SHROOM3: variants seen among roughly 807,000 people sequenced by gnomAD.
The protein encoded by SHROOM3 is protein Shroom3.
SHROOM3 carries 47 observed loss-of-function variants against 138.6 expected under a neutral mutation model. The ratio of observed to expected loss-of-function variants is 0.34; its 90% CI spans 0.27 to 0.43. The LOEUF is 0.43. Ranked by LOEUF, SHROOM3 falls within the 20% of genes least tolerant of loss-of-function variation. The pLI is 1.00. For missense variants in SHROOM3, 2,491 were observed against 2,596.5 expected (o/e 0.96, Z 0.88); for synonymous variants, 1,062 against 1,063.3 (o/e 1.00, Z 0.02).
intron 1 of SHROOM3, among the ~76,000 whole-genome samples, chr4:76,491,974 T>C (rs568254574): frequency 6.6e-6 from 1 of 152,312 alleles, no homozygotes; most frequent in South Asian, 2.1e-4. Context: ...GAATGCACTT[T>C]GGATACCATT....
At chr4:76,533,311 G>T (rs1432871373) in intron 1 of SHROOM3, among the ~76,000 whole-genome samples, 2 of 152,134 alleles carry the variant, frequency 1.3e-5, no homozygotes, top group Admixed American at 1.3e-4. Flanking sequence ...CTACTCTGGG[G>T]ACACATATAT....
chr4:76,636,880 T>G (rs1177631084), intron 2 of SHROOM3, among the ~76,000 whole-genome samples: 1 of 152,268 alleles, frequency 6.6e-6, no homozygotes, highest in African/African-American at 2.4e-5. Context: ...ATCTTACTTG[T>G]TTTTATTAAT....
intron 2 of SHROOM3, among the ~76,000 whole-genome samples, chr4:76,591,650 G>C: frequency 6.6e-6 from 1 of 151,916 alleles, no homozygotes; most frequent in East Asian, 1.9e-4. Context: ...CTCTATTTAC[G>C]TGTTATTTAG....
chr4:76,776,592 A>G (rs1722578729), intron 10 of SHROOM3, among the ~76,000 whole-genome samples: 1 of 152,230 alleles, frequency 6.6e-6, no homozygotes, highest in Non-Finnish European at 1.5e-5. Flanking sequence ...AAGACTAATT[A>G]CAAAAACCGT....
At chr4:76,564,628 TC>T (rs1326757824) in intron 2 of SHROOM3, among the ~76,000 whole-genome samples, 1 of 152,144 alleles carries the variant, frequency 6.6e-6, no homozygotes, top group Non-Finnish European at 1.5e-5. Flanking sequence ...GACATCTTTT[TC>T]CCCCGTAGCA....
At chr4:76,728,132 C>T (rs1444310012) in intron 3 of SHROOM3, among the ~76,000 whole-genome samples, 4 of 151,932 alleles carry the variant, frequency 2.6e-5, no homozygotes, top group Non-Finnish European at 4.4e-5. Flanking sequence ...GCCAAGATTG[C>T]GCCACTGCAC....
intron 1 of SHROOM3, among the ~76,000 whole-genome samples, chr4:76,554,363 T>G (rs780962500): frequency 1.3e-5 from 2 of 152,062 alleles, no homozygotes; most frequent in Non-Finnish European, 2.9e-5. Context: ...ATTATAATTT[T>G]AGAACAAAAA....
intron 1 of SHROOM3, among the ~76,000 whole-genome samples, chr4:76,526,676 A>G (rs970986002): frequency 5.3e-5 from 8 of 152,218 alleles, no homozygotes; most frequent in African/African-American, 1.7e-4. Context: ...TTTAACTGCC[A>G]CATTGTCAAG....
chr4:76,448,775 A>G (rs1293410687), intron 1 of SHROOM3, among the ~76,000 whole-genome samples: 2 of 152,162 alleles, frequency 1.3e-5, no homozygotes, highest in Non-Finnish European at 2.9e-5. Flanking sequence ...GATGACCACC[A>G]TTTAGAGAAT....
At chr4:76,762,592 T>C (rs991174788) in intron 9 of SHROOM3, among the ~76,000 whole-genome samples, 3 of 152,228 alleles carry the variant, frequency 2.0e-5, no homozygotes, top group African/African-American at 7.2e-5. Flanking sequence ...CTTCGGTTCC[T>C]TCTTCCCTCA....
chr4:76,771,175 G>T (rs186336868), intron 10 of SHROOM3, among the ~76,000 whole-genome samples: 1 of 152,198 alleles, frequency 6.6e-6, no homozygotes, highest in African/African-American at 2.4e-5. Context: ...GACCAGCCTG[G>T]CCAACATGGT....
At chr4:76,554,507 G>A (rs2110028970) in intron 1 of SHROOM3, among the ~76,000 whole-genome samples, 1 of 150,714 alleles carries the variant, frequency 6.6e-6, no homozygotes, top group East Asian at 2.0e-4. Context: ...GCAAGCGTCG[G>A]CTCTTGGGTT....
intron 10 of SHROOM3, among the ~76,000 whole-genome samples, chr4:76,772,442 C>A (rs1722395057): frequency 1.3e-5 from 2 of 152,148 alleles, no homozygotes; most frequent in Admixed American, 1.3e-4. Flanking sequence ...CTCATGAATT[C>A]TCCAATAATT....
At chr4:76,439,606 T>C (rs1180687918) in intron 1 of SHROOM3, among the ~76,000 whole-genome samples, 2 of 152,128 alleles carry the variant, frequency 1.3e-5, no homozygotes, top group East Asian at 3.9e-4. Context: ...CATTAGCTCA[T>C]ACACTGCTAA....
intron 4 of SHROOM3, among the ~76,000 whole-genome samples, chr4:76,731,787 AAAACAAAC>A (rs1293664274): frequency 1.4e-5 from 2 of 147,072 alleles, no homozygotes; most frequent in South Asian, 4.3e-4. Context: ...TCTCAAAAAA[AAAACAAAC>A]AAACAAACAA....
chr4:76,734,695 A>AC lies in SHROOM3; in HGVS notation c.587+3760_587+3761insC, dbSNP rs1578003746. Among the ~76,000 whole-genome samples, 6 of 152,264 alleles carry AC rather than the reference A, an allele frequency of 3.9e-5. No individual in the cohort carries two copies. The East Asian group carries it at 7.7e-4, about 20-fold the overall frequency. On this transcript the variant is annotated intron_variant, in intron 4 of 10. Transcript: ENST00000296043. The stretch of plus-strand genomic sequence containing the variant: ...CTGGTAGATACCTGTGTTTAAAAGT[A>AC]TTTTAAACACACAAAATAGAATGAT...
At chr4:76,450,023 T>C (rs184639613) in intron 1 of SHROOM3, among the ~76,000 whole-genome samples, 14 of 152,288 alleles carry the variant, frequency 9.2e-5, no homozygotes, top group African/African-American at 3.4e-4. Flanking sequence ...GGGTATTTCA[T>C]CATAATGAGG....
rs1720684650 is a variant in SHROOM3 at position 76,725,685 on chromosome 4, G to A, written c.456-5119G>A. On this transcript the variant is annotated intron_variant, in intron 3 of 10. Coordinates refer to ENST00000296043, the MANE Select transcript of SHROOM3 (RefSeq NM_020859.4). ...CATGAAAACAGAGGACATTGGGTACGAGGTCCCCTCAACTTTTCGTGCTAC... is the reference window on the plus strand; with the variant it reads ...CATGAAAACAGAGGACATTGGGTACAAGGTCCCCTCAACTTTTCGTGCTAC... 1.3e-5 allele frequency among the ~76,000 whole-genome samples: 2 copies of A among 152,250 alleles called. 1 individual carries two copies. Among genetic ancestry groups the A allele is most frequent in the African/African-American group, 4.8e-5 (2 of 41,552 alleles).
At chr4:76,516,654 A>G (rs1466734377) in intron 1 of SHROOM3, among the ~76,000 whole-genome samples, 2 of 152,192 alleles carry the variant, frequency 1.3e-5, no homozygotes, top group African/African-American at 4.8e-5. Flanking sequence ...AGCACATTAC[A>G]GAAACACAAA....
Sources: allele counts gnomAD v4.1 joint callset (sites outside exome capture counted in the v4.1 genomes callset), GRCh38; gene constraint gnomAD v4.1.1; transcripts MANE v1.5; gene names NCBI Gene and HGNC (gene_info 2026-07-23, HGNC 2026-07-21).